The following SGCZ variants were observed in gnomAD, a reference collection of about 807,000 sequenced individuals.
SGCZ encodes zeta-sarcoglycan.
In SGCZ, 40 loss-of-function variants were observed where a neutral mutation model predicts 41.3. That is an observed-to-expected ratio of 0.97 (90% CI 0.75 to 1.26). The LOEUF (loss-of-function observed/expected upper bound fraction) is 1.26, where lower values mean the gene tolerates loss of function less well. Ranked by LOEUF, SGCZ falls within the 50% of genes most tolerant of loss-of-function variation. The pLI is 0.00. For missense variants in SGCZ, 552 were observed against 369.8 expected (o/e 1.49, Z -4.04); for synonymous variants, 206 against 137.5 (o/e 1.50, Z -3.49).
intron 1 of SGCZ, among the ~76,000 whole-genome samples, chr8:14,833,046 G>C (rs980874838): frequency 2.0e-5 from 3 of 151,576 alleles, no homozygotes; most frequent in Non-Finnish European, 4.4e-5. Context: ...TTTCTCAGTT[G>C]ATTTTTTATA....
intron 1 of SGCZ, among the ~76,000 whole-genome samples, chr8:14,716,072 T>C (rs543981341): frequency 3.3e-5 from 5 of 152,058 alleles, no homozygotes; most frequent in African/African-American, 9.7e-5. Context: ...AAATACCAGA[T>C]AGCAAAACTT....
chr8:14,504,886 T>A (rs1802260293), intron 2 of SGCZ, among the ~76,000 whole-genome samples: 1 of 152,218 alleles, frequency 6.6e-6, no homozygotes, highest in African/African-American at 2.4e-5. Flanking sequence ...TTATAAATTG[T>A]GATTCCTAAT....
In SGCZ at chr8:14,554,908, T is replaced by A; in HGVS notation, c.58A>T (p.Ile20Leu). Reference protein sequence around the residue: ...EELKMTREQYILATQQNNLPR... With the variant: ...EELKMTREQYLLATQQNNLPR... ...AGGTTATTCTGTTGGGTTGCTAGTA[T>A]GTATTGTTCTCGTGTCATCTGAAAA... is the stretch of plus-strand genomic sequence containing the variant. The change falls in exon 2 of 8, where the codon ATA becomes TTA. Residue 20 changes from isoleucine to leucine, a missense_variant. Transcript: ENST00000382080. 1.2e-6 allele frequency: 2 copies of A among 1,605,946 alleles called. No homozygotes were observed. The highest frequency in any genetic ancestry group is 2.7e-5 in the African/African-American group (2 of 74,656).
chr8:14,343,541 T>C (rs1161590257), intron 2 of SGCZ, among the ~76,000 whole-genome samples: 1 of 152,148 alleles, frequency 6.6e-6, no homozygotes, highest in Non-Finnish European at 1.5e-5. Context: ...TAAATTTAAA[T>C]ATATAAGAAT....
chr8:14,928,922 CTTTA>C (rs914519202), intron 1 of SGCZ, among the ~76,000 whole-genome samples: 1 of 152,026 alleles, frequency 6.6e-6, no homozygotes, highest in African/African-American at 2.4e-5. Flanking sequence ...TATCAAATGC[CTTTA>C]TTTGACAGGA....
chr8:14,425,348 T>C (rs1799750142), intron 2 of SGCZ, among the ~76,000 whole-genome samples: 1 of 152,082 alleles, frequency 6.6e-6, no homozygotes, highest in South Asian at 2.1e-4. Context: ...TGGATGGTCG[T>C]GATGGCTCAC....
chr8:14,918,949 C>T (rs1390536451), intron 1 of SGCZ, among the ~76,000 whole-genome samples: 2 of 151,968 alleles, frequency 1.3e-5, no homozygotes, highest in Non-Finnish European at 2.9e-5. Flanking sequence ...CAGCATAGAC[C>T]CTGAAGGAAG....
At chr8:14,423,552 G>C (rs900373171) in intron 2 of SGCZ, among the ~76,000 whole-genome samples, 1 of 152,028 alleles carries the variant, frequency 6.6e-6, no homozygotes, top group African/African-American at 2.4e-5. Flanking sequence ...TAGTAGCTGG[G>C]ATTACAGGCA....
intron 1 of SGCZ, among the ~76,000 whole-genome samples, chr8:15,236,695 G>C (rs1802136208): frequency 1.3e-5 from 2 of 152,026 alleles, no homozygotes; most frequent in African/African-American, 4.8e-5. Context: ...TTTTCTTGAA[G>C]GGAAGCAGGC....
intron 2 of SGCZ, among the ~76,000 whole-genome samples, chr8:14,453,528 G>A (rs73188261): frequency 0.013 from 1,913 of 152,260 alleles, 24 homozygotes; most frequent in East Asian, 0.075. Context: ...TCTGCCTGCA[G>A]GGAGAAGAAA....
chr8:14,862,524 T>A, intron 1 of SGCZ, among the ~76,000 whole-genome samples: 1 of 112,924 alleles, frequency 8.9e-6, no homozygotes, highest in Non-Finnish European at 1.8e-5. Flanking sequence ...AAACAAAAAT[T>A]GCATCTTTAA....
chr8:14,429,559 T>C (rs1159252586), intron 2 of SGCZ, among the ~76,000 whole-genome samples: 2 of 152,180 alleles, frequency 1.3e-5, no homozygotes, highest in African/African-American at 2.4e-5. Flanking sequence ...CAAAGAAATG[T>C]CCACTCACAA....
intron 1 of SGCZ, among the ~76,000 whole-genome samples, chr8:14,786,288 C>A (rs905711409): frequency 6.6e-6 from 1 of 152,028 alleles, no homozygotes; most frequent in African/African-American, 2.4e-5. Context: ...CATTTACAAA[C>A]CATCAATAGA....
At chr8:15,176,792 G>C (rs558566513) in intron 1 of SGCZ, among the ~76,000 whole-genome samples, 1 of 152,272 alleles carries the variant, frequency 6.6e-6, no homozygotes, top group Non-Finnish European at 1.5e-5. Flanking sequence ...ACAAGGTCAG[G>C]AGATCGAGAC....
chr8:15,004,133 C>T (rs1012308752), intron 1 of SGCZ, among the ~76,000 whole-genome samples: 3 of 152,126 alleles, frequency 2.0e-5, no homozygotes, highest in African/African-American at 4.8e-5. Flanking sequence ...CCAGTAATCG[C>T]TCACTCTGCA....
At chr8:14,804,422 C>T (rs1177503777) in intron 1 of SGCZ, among the ~76,000 whole-genome samples, 2 of 138,350 alleles carry the variant, frequency 1.4e-5, no homozygotes, top group African/African-American at 2.6e-5. Context: ...TCGAGAACTC[C>T]GTGAAGAACG....
intron 1 of SGCZ, among the ~76,000 whole-genome samples, chr8:14,715,902 A>G (rs1028214895): frequency 6.6e-6 from 1 of 152,164 alleles, no homozygotes; most frequent in Non-Finnish European, 1.5e-5. Flanking sequence ...GCATGAACAC[A>G]ACAATTTGGT....
chr8:14,905,829 A>G (rs577591936), intron 1 of SGCZ, among the ~76,000 whole-genome samples: 1 of 152,086 alleles, frequency 6.6e-6, no homozygotes, highest in South Asian at 2.1e-4. Context: ...AAAACTCAAA[A>G]CCATTCGTAC....
At chr8:14,638,663 T>C (rs1806914890) in intron 1 of SGCZ, among the ~76,000 whole-genome samples, 1 of 151,782 alleles carries the variant, frequency 6.6e-6, no homozygotes, top group South Asian at 2.1e-4. Flanking sequence ...CTCCTGTAGC[T>C]CCTGAGGCTC....
Sources: gnomAD v4.1 joint callset for allele counts (sites outside exome capture counted in the v4.1 genomes callset) on GRCh38, gnomAD v4.1.1 for gene constraint, MANE v1.5 for transcripts, NCBI Gene and HGNC (gene_info 2026-07-23, HGNC 2026-07-21) for gene names.